ZNF717: variants seen among roughly 807,000 people sequenced by gnomAD.
ZNF717 encodes krueppel-like factor X17.
ZNF717 carries 9 observed loss-of-function variants against 13.8 expected under a neutral mutation model. That is an observed-to-expected ratio of 0.65 (90% CI 0.39 to 1.14). The LOEUF is 1.14. Ranked by LOEUF, ZNF717 falls within the 50% of genes most tolerant of loss-of-function variation. ZNF717 has a pLI of 0.01. For synonymous variants in ZNF717, 327 were observed against 364.1 expected, an observed-to-expected ratio of 0.90 and a Z score of 1.16; for missense variants, 1,040 against 1,080.7, an observed-to-expected ratio of 0.96 and a Z score of 0.53.
At chr3:75,770,331 C>A (rs1490157027) in intron 2 of ZNF717, among the ~76,000 whole-genome samples, 1 of 152,212 alleles carries the variant, frequency 6.6e-6, no homozygotes, top group South Asian at 2.1e-4. Context: ...GAGGCCGAGG[C>A]GGGCAGATCA....
At chr3:75,715,020 G>A (rs1354160549) in intron 5 of ZNF717, among the ~76,000 whole-genome samples, 1 of 152,146 alleles carries the variant, frequency 6.6e-6, no homozygotes, top group African/African-American at 2.4e-5. Flanking sequence ...TAATCCACCA[G>A]TTTATAAAAG....
chr3:75,784,366 A>G (rs1210195573), intron 1 of ZNF717, among the ~76,000 whole-genome samples: 5 of 152,258 alleles, frequency 3.3e-5, no homozygotes, highest in Non-Finnish European at 4.4e-5. Context: ...ACCTAAGTGA[A>G]CAGAATTCAA....
intron 4 of ZNF717, among the ~76,000 whole-genome samples, chr3:75,719,250 G>A (rs75075506): frequency 6.7e-6 from 1 of 148,580 alleles, no homozygotes; most frequent in Non-Finnish European, 1.5e-5. Flanking sequence ...AGTTGTGATT[G>A]CACCAGCCTG....
intron 2 of ZNF717, among the ~76,000 whole-genome samples, chr3:75,755,130 C>G (rs913996330): frequency 3.9e-5 from 6 of 152,278 alleles, no homozygotes; most frequent in African/African-American, 1.4e-4. Flanking sequence ...GAATTAAGGC[C>G]TTCCTCAGAA....
intron 2 of ZNF717, among the ~76,000 whole-genome samples, chr3:75,758,043 G>A (rs1166006638): frequency 6.6e-6 from 1 of 150,800 alleles, no homozygotes; most frequent in Non-Finnish European, 1.5e-5. Context: ...GCTTGAACTC[G>A]GGAGGCGCAG....
downstream of ZNF717, among the ~76,000 whole-genome samples, chr3:75,730,891 G>C (rs1408124638): frequency 6.6e-6 from 1 of 152,026 alleles, no homozygotes. Context: ...GTCCACATAG[G>C]CATTAAGAAG....
At chr3:75,759,438 G>A (rs971079154) in intron 2 of ZNF717, among the ~76,000 whole-genome samples, 22 of 151,902 alleles carry the variant, frequency 1.4e-4, no homozygotes, top group Admixed American at 9.2e-4. Flanking sequence ...ACAACGCCCC[G>A]CTAATTTTTT....
chr3:75,778,346 C>G (rs4974327), intron 2 of ZNF717, among the ~76,000 whole-genome samples: 83 of 147,184 alleles, frequency 5.6e-4, no homozygotes, highest in African/African-American at 2.0e-3. Flanking sequence ...ATGGGAGTGA[C>G]GTGCTAAACC....
intron 4 of ZNF717, among the ~76,000 whole-genome samples, chr3:75,719,146 T>C (rs62248772): frequency 6.6e-6 from 1 of 151,816 alleles, no homozygotes; most frequent in Non-Finnish European, 1.5e-5. Flanking sequence ...AATACTAAAA[T>C]ACACCAGGTG....
intron 5 of ZNF717, among the ~76,000 whole-genome samples, chr3:75,712,489 T>C (rs1275863716): frequency 2.5e-4 from 38 of 152,206 alleles, no homozygotes; most frequent in Non-Finnish European, 1.9e-4. Context: ...TTCAGAAGAA[T>C]TTAATTTTCT....
At chr3:75,782,794 T>C (rs1054546986) in intron 2 of ZNF717, among the ~76,000 whole-genome samples, 5 of 152,048 alleles carry the variant, frequency 3.3e-5, no homozygotes, top group African/African-American at 1.2e-4. Context: ...CACACCGTGC[T>C]TTAGCGGCAG....
chr3:75,704,511 T>C (rs1937760960), intron 6 of ZNF717, among the ~76,000 whole-genome samples: 1 of 152,426 alleles, frequency 6.6e-6, no homozygotes, highest in East Asian at 1.9e-4. Context: ...TAGGGCATAA[T>C]GTTAGGGTGA....
At chr3:75,731,011 T>A (rs1938504659), downstream of ZNF717, among the ~76,000 whole-genome samples, 1 of 151,896 alleles carries the variant, frequency 6.6e-6, no homozygotes, top group African/African-American at 2.4e-5. Flanking sequence ...GAGACCGAGG[T>A]GGGCAGATCA....
chr3:75,712,525 T>A (rs77607414), intron 5 of ZNF717, among the ~76,000 whole-genome samples: 20 of 141,098 alleles, frequency 1.4e-4, no homozygotes, highest in African/African-American at 5.4e-4. Flanking sequence ...CTTGGTCACA[T>A]GCAAAACATC....
intron 1 of ZNF717, among the ~76,000 whole-genome samples, chr3:75,783,750 G>A (rs4974331): frequency 2.6e-3 from 364 of 140,178 alleles, no homozygotes; most frequent in African/African-American, 4.3e-3. Flanking sequence ...ATTAATATGT[G>A]GATTCCACAA....
intron 6 of ZNF717, among the ~76,000 whole-genome samples, chr3:75,702,599 T>TA (rs1379819525): frequency 2.0e-5 from 3 of 152,290 alleles, no homozygotes; most frequent in Non-Finnish European, 2.9e-5. Flanking sequence ...ATTTATACAT[T>TA]AAAAAAACTA....
downstream of ZNF717, among the ~76,000 whole-genome samples, chr3:75,728,016 T>C (rs1181431257): frequency 2.0e-5 from 3 of 150,808 alleles, no homozygotes; most frequent in Admixed American, 1.3e-4. Flanking sequence ...GTTCCCCCAA[T>C]AAAACCTCAC....
chr3:75,744,860 C>T (rs1483276728), intron 2 of ZNF717, among the ~76,000 whole-genome samples: 2 of 152,320 alleles, frequency 1.3e-5, no homozygotes, highest in South Asian at 2.1e-4. Flanking sequence ...CTAGTATAAT[C>T]GGAGACTAAA....
intron 2 of ZNF717, among the ~76,000 whole-genome samples, chr3:75,756,640 C>G (rs898679694): frequency 4.6e-5 from 7 of 152,122 alleles, no homozygotes; most frequent in African/African-American, 1.7e-4. Context: ...AAAAAAAATT[C>G]CATTAAGCCT....
Sources: allele counts gnomAD v4.1 joint callset (sites outside exome capture counted in the v4.1 genomes callset), GRCh38; gene constraint gnomAD v4.1.1; transcripts MANE v1.5; gene names NCBI Gene and HGNC (gene_info 2026-07-23, HGNC 2026-07-21).